The following SCHIP1 variants were observed in gnomAD, a reference collection of about 807,000 sequenced individuals.
SCHIP1 encodes the protein schwannomin interacting protein 1, also known as schwannomin-interacting protein 1.
In SCHIP1, 8 loss-of-function variants were observed where a neutral mutation model predicts 29.7. The observed-to-expected ratio is 0.27, with a 90% CI of 0.16 to 0.49. The LOEUF (loss-of-function observed/expected upper bound fraction) is 0.49, where lower values mean the gene tolerates loss of function less well. Among genes scored for constraint, SCHIP1 ranks in the 20% least tolerant of loss-of-function variants. SCHIP1 has a pLI of 0.99. For missense variants in SCHIP1, 193 were observed against 294.6 expected, an observed-to-expected ratio of 0.66 and a Z score of 2.52; for synonymous variants, 76 against 94.9, an observed-to-expected ratio of 0.80 and a Z score of 1.16.
the SCHIP1 span, among the ~76,000 whole-genome samples, chr3:159,372,125 T>C: frequency 6.6e-6 from 1 of 152,166 alleles, no homozygotes; most frequent in Admixed American, 6.6e-5. Flanking sequence ...TGAAATAGCA[T>C]GCCTCAGCAT....
At chr3:159,839,940 G>T in exon 1 of SCHIP1, 1 of 1,408,136 alleles carries the variant, frequency 7.1e-7, no homozygotes, top group Admixed American at 3.2e-5. Context: ...CCAGCTCCAT[G>T]TTCCTAAGCC....
At chr3:159,425,182 C>A in the SCHIP1 span, among the ~76,000 whole-genome samples, 1 of 151,990 alleles carries the variant, frequency 6.6e-6, no homozygotes, top group African/African-American at 2.4e-5. Context: ...ATCAAATTCA[C>A]ACATAACAAT....
chr3:159,695,998 A>T, the SCHIP1 span, among the ~76,000 whole-genome samples: 1 of 152,130 alleles, frequency 6.6e-6, no homozygotes, highest in Non-Finnish European at 1.5e-5. Flanking sequence ...CTCATTGAGT[A>T]GTCAAACCTA....
the SCHIP1 span, among the ~76,000 whole-genome samples, chr3:159,568,210 G>A: frequency 1.3e-5 from 2 of 151,900 alleles, no homozygotes; most frequent in East Asian, 1.9e-4. Flanking sequence ...ATGCTCTTGG[G>A]TTTTCTATGC....
intron 6 of SCHIP1, chr3:159,892,767 G>T (rs1717670862): frequency 1.3e-5 from 2 of 153,880 alleles, no homozygotes; most frequent in South Asian, 4.1e-4. Flanking sequence ...AGGGGACAAG[G>T]AAACTAGGCT....
chr3:159,800,082 A>G, the SCHIP1 span, among the ~76,000 whole-genome samples: 2 of 152,214 alleles, frequency 1.3e-5, no homozygotes, highest in Non-Finnish European at 2.9e-5. Flanking sequence ...TTGAGTATCT[A>G]TTATGTGCCA....
the SCHIP1 span, among the ~76,000 whole-genome samples, chr3:159,336,943 A>G: frequency 6.6e-6 from 1 of 152,108 alleles, no homozygotes; most frequent in African/African-American, 2.4e-5. Flanking sequence ...CAGTATGGCC[A>G]TTTTCACGAT....
chr3:159,709,823 T>C, the SCHIP1 span, among the ~76,000 whole-genome samples: 1 of 152,212 alleles, frequency 6.6e-6, no homozygotes, highest in Non-Finnish European at 1.5e-5. Context: ...GAAGGCAGTT[T>C]ATTAAAATAT....
At chr3:159,450,369 C>A in the SCHIP1 span, among the ~76,000 whole-genome samples, 1 of 152,148 alleles carries the variant, frequency 6.6e-6, no homozygotes, top group African/African-American at 2.4e-5. Flanking sequence ...TTTGGAATTG[C>A]GTGTTACATT....
At chr3:159,516,770 G>C in the SCHIP1 span, among the ~76,000 whole-genome samples, 30 of 151,862 alleles carry the variant, frequency 2.0e-4, no homozygotes, top group Non-Finnish European at 1.5e-5. Flanking sequence ...TCCTGTTGTC[G>C]TCCCTGCTGC....
the SCHIP1 span, among the ~76,000 whole-genome samples, chr3:159,491,434 C>G: frequency 0.014 from 2,208 of 152,330 alleles, 67 homozygotes; most frequent in African/African-American, 0.051. Context: ...ACGGGTTTAA[C>G]AAATGGCACA....
At chr3:159,522,665 T>C in the SCHIP1 span, among the ~76,000 whole-genome samples, 1 of 152,120 alleles carries the variant, frequency 6.6e-6, no homozygotes. Flanking sequence ...GGTCAAGAGA[T>C]TGAGACCATC....
chr3:159,326,475 G>A, the SCHIP1 span, among the ~76,000 whole-genome samples: 1 of 151,662 alleles, frequency 6.6e-6, no homozygotes, highest in Non-Finnish European at 1.5e-5. Context: ...GTGATAGACT[G>A]AATTATCTCT....
the SCHIP1 span, among the ~76,000 whole-genome samples, chr3:159,795,469 T>C: frequency 2.0e-5 from 3 of 152,218 alleles, no homozygotes; most frequent in African/African-American, 7.2e-5. Flanking sequence ...TTGGCTCAAT[T>C]TCCAGATGAG....
chr3:159,711,551 A>G, the SCHIP1 span, among the ~76,000 whole-genome samples: 2 of 152,080 alleles, frequency 1.3e-5, no homozygotes, highest in Admixed American at 1.3e-4. Flanking sequence ...ATAAAATAGC[A>G]TTTGACAAAT....
the SCHIP1 span, among the ~76,000 whole-genome samples, chr3:159,675,995 G>A: frequency 6.6e-6 from 1 of 152,164 alleles, no homozygotes; most frequent in African/African-American, 2.4e-5. Context: ...GCCAGGCGTG[G>A]TGGCAGGTGT....
the SCHIP1 span, among the ~76,000 whole-genome samples, chr3:159,506,463 T>G: frequency 3.3e-5 from 5 of 152,242 alleles, no homozygotes; most frequent in African/African-American, 1.2e-4. Context: ...AGAAGCTCTT[T>G]AGTTTAATTA....
the SCHIP1 span, among the ~76,000 whole-genome samples, chr3:159,499,923 A>T: frequency 7.2e-5 from 11 of 152,152 alleles, no homozygotes; most frequent in Non-Finnish European, 1.6e-4. Flanking sequence ...ATAAATCACA[A>T]GTTCAATTAC....
chr3:159,445,305 T>C, the SCHIP1 span, among the ~76,000 whole-genome samples: 57 of 151,506 alleles, frequency 3.8e-4, no homozygotes, highest in African/African-American at 1.2e-3. Flanking sequence ...ATCAGAGAAA[T>C]GCAAATCAAA....
Sources: gnomAD v4.1 joint callset for allele counts (sites outside exome capture counted in the v4.1 genomes callset) on GRCh38, gnomAD v4.1.1 for gene constraint, MANE v1.5 for transcripts, NCBI Gene and HGNC (gene_info 2026-07-23, HGNC 2026-07-21) for gene names.